PIP5K1B: variants seen among roughly 807,000 people sequenced by gnomAD.
PIP5K1B encodes phosphatidylinositol-4-phosphate 5-kinase type 1 beta.
In PIP5K1B, 42 loss-of-function variants were observed where a neutral mutation model predicts 67.0. The ratio of observed to expected loss-of-function variants is 0.63; its 90% CI spans 0.49 to 0.81. The LOEUF (loss-of-function observed/expected upper bound fraction) is 0.81. Among genes scored for constraint, PIP5K1B ranks in the 30% least tolerant of loss-of-function variants. PIP5K1B has a pLI of 0.00. For synonymous variants in PIP5K1B, 214 were observed against 231.4 expected, an observed-to-expected ratio of 0.92 and a Z score of 0.68; for missense variants, 459 against 646.3, an observed-to-expected ratio of 0.71 and a Z score of 3.14.
At chr9:68,777,057 A>G (rs1830952006) in intron 2 of PIP5K1B, among the ~76,000 whole-genome samples, 1 of 152,226 alleles carries the variant, frequency 6.6e-6, no homozygotes, top group South Asian at 2.1e-4. Flanking sequence ...AGTTCCAGTA[A>G]CACACCTGCA....
At chr9:68,848,177 T>C (rs555995446) in intron 4 of PIP5K1B, among the ~76,000 whole-genome samples, 1 of 152,316 alleles carries the variant, frequency 6.6e-6, no homozygotes, top group African/African-American at 2.4e-5. Context: ...AGCTAGCTAA[T>C]AGAATGGTGA....
At position 69,008,504 on chromosome 9, in the gene PIP5K1B, G is replaced by T. The variant is rs986439662; in HGVS notation, c.*55G>T. ...ATGAGACGTGAGCACAGTTATGGCA[G>T]AGAAGTTTCTCCGCACCAGAATTAT... On this transcript the variant is annotated 3_prime_UTR_variant, in exon 16 of 16. Transcript: ENST00000265382. 2 of 1,584,084 alleles carry T rather than the reference G, an allele frequency of 1.3e-6. No individual in the cohort carries two copies. Among genetic ancestry groups the T allele is most frequent in the Non-Finnish European group, 1.7e-6 (2 of 1,152,610 alleles).
chr9:68,936,973 G>A (rs1039435094), intron 13 of PIP5K1B, among the ~76,000 whole-genome samples: 1 of 152,168 alleles, frequency 6.6e-6, no homozygotes, highest in Non-Finnish European at 1.5e-5. Flanking sequence ...CTTGATCATG[G>A]TGGATAAGCT....
intron 15 of PIP5K1B, among the ~76,000 whole-genome samples, chr9:68,996,383 G>A (rs1054328069): frequency 6.6e-6 from 1 of 152,164 alleles, no homozygotes; most frequent in Non-Finnish European, 1.5e-5. Flanking sequence ...TCACACTGTA[G>A]AGTCCCAAGC....
chr9:68,784,770 G>A (rs913484498), intron 2 of PIP5K1B, among the ~76,000 whole-genome samples: 2 of 152,178 alleles, frequency 1.3e-5, no homozygotes, highest in African/African-American at 4.8e-5. Context: ...GAAAGAGTTG[G>A]CCTTGGAAAG....
intron 6 of PIP5K1B, among the ~76,000 whole-genome samples, chr9:68,885,080 G>T (rs1265354161): frequency 6.6e-6 from 1 of 152,184 alleles, no homozygotes; most frequent in East Asian, 1.9e-4. Context: ...AGGACAAATG[G>T]ATTTTTTTAA....
chr9:68,873,771 G>C (rs1200836970), intron 5 of PIP5K1B, among the ~76,000 whole-genome samples: 1 of 152,064 alleles, frequency 6.6e-6, no homozygotes, highest in Non-Finnish European at 1.5e-5. Flanking sequence ...TTAATTTGTA[G>C]AGGTTCTGTA....
At chr9:68,760,231 A>C (rs896603959) in intron 2 of PIP5K1B, among the ~76,000 whole-genome samples, 4 of 152,124 alleles carry the variant, frequency 2.6e-5, no homozygotes, top group African/African-American at 9.7e-5. Flanking sequence ...TGCTTTACCT[A>C]GTACTTCTCA....
chr9:68,838,876 G>C (rs545912304), intron 4 of PIP5K1B, among the ~76,000 whole-genome samples: 11 of 152,262 alleles, frequency 7.2e-5, no homozygotes, highest in Admixed American at 7.2e-4. Context: ...GATACTCCAA[G>C]TACTAGCAAA....
intron 15 of PIP5K1B, among the ~76,000 whole-genome samples, chr9:68,991,978 G>T (rs934930407): frequency 7.8e-4 from 105 of 133,916 alleles, no homozygotes; most frequent in African/African-American, 2.9e-3. Context: ...AATTTTTTTT[G>T]GGGGGGGGCA....
intron 2 of PIP5K1B, among the ~76,000 whole-genome samples, chr9:68,799,462 T>C (rs1832473900): frequency 2.0e-5 from 3 of 152,154 alleles, no homozygotes; most frequent in Non-Finnish European, 4.4e-5. Flanking sequence ...AGAGCAAAGT[T>C]GAAGGCATCA....
intron 2 of PIP5K1B, among the ~76,000 whole-genome samples, chr9:68,792,465 GTTGTTTGTTTGTTTGT>G (rs202162149): frequency 9.0e-6 from 1 of 110,872 alleles, no homozygotes; most frequent in Non-Finnish European, 1.9e-5. Flanking sequence ...TTTTTTTGTT[GTTGTTTGTTTGTTTGT>G]TTGTTTGTTT....
rs551809400 is a variant in PIP5K1B at position 68,998,711 on chromosome 9, G to A, written c.1620+7454G>A. 5.7e-3 allele frequency among the ~76,000 whole-genome samples: 867 copies of A among 152,256 alleles called. 3 individuals carry two copies. The highest frequency in any genetic ancestry group is 9.4e-3 in the Non-Finnish European group (639 of 68,016). ...GATTAGAACAAACAAGAACTTTTAG[G>A]AAAACAAGTTTAGATCACACCCATG... On this transcript the variant is annotated intron_variant, in intron 15 of 15. Transcript: ENST00000265382.
intron 8 of PIP5K1B, among the ~76,000 whole-genome samples, chr9:68,911,180 C>T (rs1285071569): frequency 3.3e-5 from 5 of 151,746 alleles, no homozygotes; most frequent in Non-Finnish European, 7.4e-5. Flanking sequence ...TCGAGACCAG[C>T]CTGACCAACA....
chr9:68,997,891 A>G (rs1830662531), intron 15 of PIP5K1B, among the ~76,000 whole-genome samples: 1 of 152,168 alleles, frequency 6.6e-6, no homozygotes, highest in Admixed American at 6.5e-5. Context: ...CTGGAGTTAT[A>G]AAGGCACACT....
At chr9:68,928,608 T>C (rs1193483646) in intron 12 of PIP5K1B, among the ~76,000 whole-genome samples, 1 of 152,246 alleles carries the variant, frequency 6.6e-6, no homozygotes, top group Non-Finnish European at 1.5e-5. Flanking sequence ...GGTAGTTAAC[T>C]ATTGTCCTAA....
rs77997087 is a variant in PIP5K1B, at chr9:68,907,396, C to A, written c.772-10152C>A. ...TCATGTTGAGCCACTCTTGTACCTTCTTTAGTTTTGATCATGTGCATATAT... is the reference window on the plus strand; with the variant it reads ...TCATGTTGAGCCACTCTTGTACCTTATTTAGTTTTGATCATGTGCATATAT... On this transcript the variant is annotated intron_variant, in intron 8 of 15. Coordinates refer to ENST00000265382, the MANE Select transcript of PIP5K1B (RefSeq NM_003558.4). 7.1e-3 allele frequency among the ~76,000 whole-genome samples: 1,080 copies of A among 152,088 alleles called. 39 individuals carry two copies. The East Asian group carries it at 0.11, about 15-fold the overall frequency.
chr9:68,991,033 T>C, intron 14 of PIP5K1B, 107 bp from the exon 15 acceptor site: 1 of 704,964 alleles, frequency 1.4e-6, no homozygotes, highest in Non-Finnish European at 2.6e-6. Flanking sequence ...ATTCTCAAAA[T>C]TGTTTATCCC....
intron 7 of PIP5K1B, among the ~76,000 whole-genome samples, chr9:68,889,734 C>CAAA (rs11349016): frequency 1.1e-3 from 86 of 79,734 alleles, no homozygotes; most frequent in African/African-American, 3.4e-3. Flanking sequence ...GACTCCTTCT[C>CAAA]AAAAAAAAAA....
Sources: allele counts gnomAD v4.1 joint callset (sites outside exome capture counted in the v4.1 genomes callset), GRCh38; gene constraint gnomAD v4.1.1; transcripts MANE v1.5; gene names NCBI Gene and HGNC (gene_info 2026-07-23, HGNC 2026-07-21).